The following ZNRF1 variants were observed in gnomAD, a reference collection of about 807,000 sequenced individuals.
ZNRF1 encodes zinc and ring finger 1.
ZNRF1 carries 3 observed loss-of-function variants against 18.4 expected under a neutral mutation model. The observed-to-expected ratio is 0.16, with a 90% confidence interval of 0.07 to 0.42. The LOEUF (loss-of-function observed/expected upper bound fraction) is 0.42. ZNRF1 is among the 10% of genes least tolerant of loss of function. The pLI is 0.99. For synonymous variants in ZNRF1, 157 were observed against 144.2 expected (o/e 1.09, Z -0.64); for missense variants, 310 against 329.8 (o/e 0.94, Z 0.47).
intron 1 of ZNRF1, among the ~76,000 whole-genome samples, chr16:75,010,015 C>G (rs1444476046): frequency 6.6e-6 from 1 of 152,100 alleles, no homozygotes; most frequent in African/African-American, 2.4e-5. Flanking sequence ...CGGAGTTTTG[C>G]CCTGTTGCCC....
chr16:75,030,833 C>CTTTTTTTTTTTTTTT lies in ZNRF1; in HGVS notation c.424+30746_424+30760dup, dbSNP rs59468839. ...CATTGTAGCATGCAGCACTTTATTC[C>CTTTTTTTTTTTTTTT]TTTTTTTTTTTTTTTTTTTTTTGTT... On this transcript the variant is annotated intron_variant, in intron 1 of 4. Coordinates refer to ENST00000335325, the MANE Select transcript of ZNRF1 (RefSeq NM_032268.5). Among the ~76,000 whole-genome samples, 4 of 91,380 alleles carry CTTTTTTTTTTTTTTT rather than the reference C, an allele frequency of 4.4e-5. 1 individual carries two copies. Among genetic ancestry groups the CTTTTTTTTTTTTTTT allele is most frequent in the Non-Finnish European group, 8.9e-5 (4 of 45,090 alleles). 59.9% of individuals were successfully genotyped at this position (91,380 alleles called of 152,430 possible).
intron 1 of ZNRF1, among the ~76,000 whole-genome samples, chr16:75,028,559 T>C (rs1484854543): frequency 6.6e-6 from 1 of 152,266 alleles, no homozygotes; most frequent in Non-Finnish European, 1.5e-5. Context: ...GCTCCCAAAG[T>C]GCTGGGATTA....
chr16:75,047,055 T>C (rs1030457548), intron 1 of ZNRF1, among the ~76,000 whole-genome samples: 4 of 152,132 alleles, frequency 2.6e-5, no homozygotes, highest in Non-Finnish European at 5.9e-5. Context: ...ATCTGTCTCT[T>C]GCCATTAAAA....
At chr16:75,016,824 C>A (rs899523301) in intron 1 of ZNRF1, among the ~76,000 whole-genome samples, 3 of 64,666 alleles carry the variant, frequency 4.6e-5, no homozygotes, top group South Asian at 6.5e-4. Context: ...GGATTACAGG[C>A]GTGAGCCACC....
At chr16:75,093,917 T>A (rs1404272516) in intron 2 of ZNRF1, among the ~76,000 whole-genome samples, 1 of 152,204 alleles carries the variant, frequency 6.6e-6, no homozygotes, top group Non-Finnish European at 1.5e-5. Flanking sequence ...GCTCTCGGGC[T>A]GCTCAGTTAG....
chr16:75,093,694 C>T, intron 2 of ZNRF1, 27 bp downstream of exon 2: 3 of 1,589,498 alleles, frequency 1.9e-6, no homozygotes, highest in Non-Finnish European at 2.6e-6. Flanking sequence ...CCTCACCAGC[C>T]TCCAGAGCAT....
chr16:75,059,909 G>A (rs1167123531), intron 1 of ZNRF1, among the ~76,000 whole-genome samples: 1 of 151,974 alleles, frequency 6.6e-6, no homozygotes, highest in African/African-American at 2.4e-5. Context: ...AAAGTCTAGG[G>A]GATCAGACAG....
At position 75,035,062 on chromosome 16, in the gene ZNRF1, C is replaced by G. The variant is rs117887753; in HGVS notation, c.424+34967C>G. Among the ~76,000 whole-genome samples, 361 of 152,240 alleles carry G rather than the reference C, an allele frequency of 2.4e-3. 6 individuals carry two copies. In the East Asian group the frequency reaches 0.043, roughly 18 times the overall value. On this transcript the variant is annotated intron_variant, in intron 1 of 4. Transcript: ENST00000335325. ...ACCATTTTACCATTTTACATTCTTACTAACAGTGCAGTGCGTGAGTTCCAA... is the reference window on the plus strand; with the variant it reads ...ACCATTTTACCATTTTACATTCTTAGTAACAGTGCAGTGCGTGAGTTCCAA...
intron 1 of ZNRF1, among the ~76,000 whole-genome samples, chr16:75,053,455 G>A (rs537974060): frequency 6.6e-6 from 1 of 152,124 alleles, no homozygotes; most frequent in Admixed American, 6.5e-5. Context: ...CAGGCCTGGT[G>A]GCACACGCCT....
chr16:75,105,213 C>T (rs377398560), intron 3 of ZNRF1: 9 of 283,408 alleles, frequency 3.2e-5, no homozygotes, highest in Middle Eastern at 1.2e-3. Flanking sequence ...CTCCGTCTGT[C>T]TCCCTGCCTC....
chr16:75,013,634 C>T (rs765392324), intron 1 of ZNRF1, among the ~76,000 whole-genome samples: 5 of 152,080 alleles, frequency 3.3e-5, no homozygotes, highest in Admixed American at 6.6e-5. Context: ...CGTGAGCCAC[C>T]GCGCCAGGCC....
rs769396522 is a variant in ZNRF1 at position 75,106,467 on chromosome 16, GC to G, written c.627-10del. On this transcript the variant is annotated splice_polypyrimidine_tract_variant and intron_variant, in intron 3 of 4. Coordinates refer to ENST00000335325, the MANE Select transcript of ZNRF1 (RefSeq NM_032268.5). Reference sequence around the variant, plus strand: ...AGCAGGTAACGTGGTTTCCCTTGCGGCCCCCTCCTCCCAGCTGCATAGACTC... The same window carrying G: ...AGCAGGTAACGTGGTTTCCCTTGCGGCCCCTCCTCCCAGCTGCATAGACTC... 6 of 1,613,888 alleles carry G rather than the reference GC, an allele frequency of 3.7e-6. No homozygotes were observed. The highest frequency in any genetic ancestry group is 4.2e-6 in the Non-Finnish European group (5 of 1,179,994).
At chr16:75,079,341 A>G (rs1239230940) in intron 1 of ZNRF1, among the ~76,000 whole-genome samples, 1 of 152,192 alleles carries the variant, frequency 6.6e-6, no homozygotes, top group Non-Finnish European at 1.5e-5. Flanking sequence ...TTCGCTGGGC[A>G]TGGTGGCACA....
intron 1 of ZNRF1, among the ~76,000 whole-genome samples, chr16:75,016,699 CTTT>C (rs35899706): frequency 1.0e-5 from 1 of 99,510 alleles, no homozygotes; most frequent in Non-Finnish European, 1.9e-5. Context: ...CCATGCCTGG[CTTT>C]TTTTTTTTTT....
In ZNRF1 at chr16:75,081,225, A is replaced by G. The variant is rs141956099; in HGVS notation, c.425-12347A>G. On this transcript the variant is annotated intron_variant, in intron 1 of 4. Transcript: ENST00000335325. ...AGGACTTGGAAAACAGTCTATATCC[A>G]GGGAAGAAGCTGCAAACAGGCAGTT... is the stretch of plus-strand genomic sequence containing the variant. 2.2e-3 allele frequency among the ~76,000 whole-genome samples: 342 copies of G among 152,318 alleles called. 1 individual carries two copies. The highest frequency in any genetic ancestry group is 4.3e-3 in the Non-Finnish European group (291 of 68,036).
intron 1 of ZNRF1, among the ~76,000 whole-genome samples, chr16:75,059,454 G>A (rs760259535): frequency 1.3e-4 from 20 of 151,772 alleles, no homozygotes; most frequent in Non-Finnish European, 2.4e-4. Flanking sequence ...CACCATGTTA[G>A]CCAGGCTGGA....
intron 1 of ZNRF1, among the ~76,000 whole-genome samples, chr16:75,013,061 A>G (rs1241816977): frequency 1.3e-5 from 2 of 152,242 alleles, no homozygotes; most frequent in African/African-American, 2.4e-5. Context: ...TCCTTCAACA[A>G]TGACTTTTAA....
At position 75,053,116 on chromosome 16, in the gene ZNRF1, C is replaced by T. The variant is rs545694283; in HGVS notation, c.425-40456C>T. Among the ~76,000 whole-genome samples the T allele has an allele frequency of 5.3e-5, 8 of 152,236 alleles. No individual in the cohort carries two copies. In the South Asian group the frequency reaches 1.2e-3, roughly 24 times the overall value. On this transcript the variant is annotated intron_variant, in intron 1 of 4. Coordinates refer to ENST00000335325, the MANE Select transcript of ZNRF1 (RefSeq NM_032268.5). ...CCTTCCTGAAGCTCTATTTATAGAT[C>T]GCAGAGGAAATCTAGGGGGCTTTAT...
At chr16:75,087,328 G>A (rs1205777570) in intron 1 of ZNRF1, among the ~76,000 whole-genome samples, 1 of 152,226 alleles carries the variant, frequency 6.6e-6, no homozygotes, top group African/African-American at 2.4e-5. Context: ...TGACCTGACA[G>A]TAAGAGGTCA....
Sources: allele counts gnomAD v4.1 joint callset (sites outside exome capture counted in the v4.1 genomes callset), GRCh38; gene constraint gnomAD v4.1.1; transcripts MANE v1.5; gene names NCBI Gene and HGNC (gene_info 2026-07-23, HGNC 2026-07-21).